Variants in RAB6A observed in about 807,000 individuals in gnomAD.
The protein encoded by RAB6A is RAB6A, member RAS oncogene family.
RAB6A carries 8 observed loss-of-function variants against 32.3 expected under a neutral mutation model. The observed-to-expected ratio is 0.25, with a 90% CI of 0.15 to 0.45. The LOEUF (loss-of-function observed/expected upper bound fraction) is 0.45, where lower values mean the gene tolerates loss of function less well. RAB6A is among the 20% of genes least tolerant of loss of function. The pLI is 1.00. For missense variants in RAB6A, 104 were observed against 249.4 expected, an observed-to-expected ratio of 0.42 and a Z score of 3.93; for synonymous variants, 73 against 82.1, an observed-to-expected ratio of 0.89 and a Z score of 0.60.
At chr11:73,692,788 C>CAAAAAAAAAAAAAA (rs140762210) in intron 6 of RAB6A, among the ~76,000 whole-genome samples, 7 of 98,166 alleles carry the variant, frequency 7.1e-5, no homozygotes, top group Admixed American at 1.3e-4. Flanking sequence ...ACTAAAAATA[C>CAAAAAAAAAAAAAA]AAAAAAAAAA....
chr11:73,691,066 T>C (rs1264118750), intron 6 of RAB6A, among the ~76,000 whole-genome samples: 2 of 151,920 alleles, frequency 1.3e-5, no homozygotes, highest in Non-Finnish European at 2.9e-5. Flanking sequence ...CCCTGGGCCT[T>C]AGAACTAGGG....
intron 6 of RAB6A, among the ~76,000 whole-genome samples, chr11:73,698,247 A>C (rs1590837746): frequency 6.6e-6 from 1 of 152,288 alleles, no homozygotes; most frequent in Non-Finnish European, 1.5e-5. Flanking sequence ...ATAAAAAATA[A>C]AGTCCTACTG....
intron 6 of RAB6A, among the ~76,000 whole-genome samples, chr11:73,687,630 C>T (rs1429383430): frequency 2.6e-5 from 4 of 152,162 alleles, no homozygotes; most frequent in Admixed American, 6.5e-5. Flanking sequence ...CCGAGGTGGG[C>T]GGATCACCTG....
chr11:73,692,158 A>G (rs930547934), intron 6 of RAB6A, among the ~76,000 whole-genome samples: 1 of 152,094 alleles, frequency 6.6e-6, no homozygotes, highest in African/African-American at 2.4e-5. Context: ...GTCAAAGAAA[A>G]TCTGGCAATA....
rs145456541 is a variant in RAB6A at position 73,740,108 on chromosome 11, A to G, written c.71-9285T>C. On this transcript the variant is annotated intron_variant, in intron 1 of 7. Transcript: ENST00000336083. Reference sequence around the variant, plus strand: ...AGAGGACTCAATTAGTCTACAATCTATAACTATGATAAATTCTGACCTGCT... The same window carrying G: ...AGAGGACTCAATTAGTCTACAATCTGTAACTATGATAAATTCTGACCTGCT... Among the ~76,000 whole-genome samples, 1,286 of 152,194 alleles carry G rather than the reference A, an allele frequency of 8.4e-3. 18 individuals carry two copies. The highest frequency in any genetic ancestry group is 0.029 in the African/African-American group (1,201 of 41,540).
In RAB6A at chr11:73,722,328, TATATA is replaced by T. The variant is rs1565364905; in HGVS notation, c.130-1434_130-1430del. ...GTGTATATATATATATATATATATATATATATATATATATATTTTTTTTTTTTTTT... is the reference window on the plus strand; with the variant it reads ...GTGTATATATATATATATATATATATTATATATATATTTTTTTTTTTTTTT... On this transcript the variant is annotated intron_variant, in intron 2 of 7. Coordinates refer to ENST00000336083, the MANE Select transcript of RAB6A (RefSeq NM_198896.2). 1.1e-3 allele frequency: 12 copies of T among 10,742 alleles called. 1 individual carries two copies. The highest frequency in any genetic ancestry group is 2.7e-3 in the African/African-American group (9 of 3,300). 0.7% of individuals were successfully genotyped at this position (10,742 alleles called of 1,614,324 possible).
chr11:73,740,155 A>G (rs983582527), intron 1 of RAB6A, among the ~76,000 whole-genome samples: 2 of 152,142 alleles, frequency 1.3e-5, no homozygotes, highest in African/African-American at 2.4e-5. Context: ...GGTCAATAAC[A>G]TTGGCCAGAT....
intron 1 of RAB6A, among the ~76,000 whole-genome samples, chr11:73,735,920 T>TAAAA (rs10676769): frequency 0.019 from 1,655 of 87,048 alleles, 40 homozygotes; most frequent in Middle Eastern, 0.051. Context: ...AACCTTGCCT[T>TAAAA]AAAAAAAAAA....
At chr11:73,737,821 C>T (rs1387220124) in intron 1 of RAB6A, among the ~76,000 whole-genome samples, 3 of 151,308 alleles carry the variant, frequency 2.0e-5, no homozygotes, top group South Asian at 2.1e-4. Context: ...GGTGAAACCC[C>T]GTCTCTACTT....
At chr11:73,760,416 T>C (rs1946826978) in intron 1 of RAB6A, 150 bp downstream of exon 1, 3 of 1,073,968 alleles carry the variant, frequency 2.8e-6, no homozygotes, top group Non-Finnish European at 2.6e-6. Flanking sequence ...GAAGAGCCAG[T>C]GGCACCGGGG....
chr11:73,760,746 G>T lies in RAB6A; in HGVS notation c.-111C>A. ...GGAAGGGCGGGCACCGAGCTCTCTC[G>T]GCCCCTGCAAGGCCCGGTGGAGGAG... On this transcript the variant is annotated 5_prime_UTR_variant, in exon 1 of 8. Transcript: ENST00000336083. 1 of 1,478,634 alleles carries T rather than the reference G, an allele frequency of 6.8e-7. No homozygotes were observed. Among genetic ancestry groups the T allele is most frequent in the East Asian group, 2.5e-5 (1 of 40,124 alleles). 91.6% of individuals were successfully genotyped at this position (1,478,634 alleles called of 1,614,324 possible). A position where few individuals can be genotyped will look rare whatever the true frequency, so the allele number is the denominator to read the frequency against.
chr11:73,677,687 C>A lies in RAB6A; in HGVS notation c.*211G>T. On this transcript the variant is annotated 3_prime_UTR_variant, in exon 8 of 8. Coordinates refer to ENST00000336083, the MANE Select transcript of RAB6A (RefSeq NM_198896.2). ...ACTGGAATATGCTGAAATATTTTGG[C>A]TTTTTGTAAAATATAAATAATGAAG... The A allele has an allele frequency of 7.5e-7, 1 of 1,332,334 alleles. No individual in the cohort carries two copies. The highest frequency in any genetic ancestry group is 1.0e-6 in the Non-Finnish European group (1 of 991,336). 82.5% of individuals were successfully genotyped at this position (1,332,334 alleles called of 1,614,324 possible).
Position 73,682,070 on chromosome 11 carries a change from C to A in RAB6A, c.496-2350G>T, listed in dbSNP as rs74409425. Among the ~76,000 whole-genome samples the A allele has an allele frequency of 5.4e-3, 828 of 152,260 alleles. 8 individuals carry two copies. Among genetic ancestry groups the A allele is most frequent in the African/African-American group, 0.018 (755 of 41,544 alleles). On this transcript the variant is annotated intron_variant, in intron 6 of 7. Transcript: ENST00000336083. ...TGGTACACCATCAAAGATCATGTAG[C>A]TGTATAAATTACCATCATGTCAAAT...
intron 1 of RAB6A, among the ~76,000 whole-genome samples, chr11:73,750,725 T>C (rs927956633): frequency 5.9e-5 from 9 of 152,232 alleles, no homozygotes; most frequent in Admixed American, 5.2e-4. Context: ...TATTAATTCA[T>C]CTGTGGATGG....
intron 6 of RAB6A, among the ~76,000 whole-genome samples, chr11:73,706,590 G>A (rs1190986461): frequency 6.6e-6 from 1 of 151,974 alleles, no homozygotes; most frequent in Non-Finnish European, 1.5e-5. Context: ...CAGCCTTGAA[G>A]AGTTAAGCAT....
rs555388622 is a variant in RAB6A at position 73,744,511 on chromosome 11, C to CAAAA, written c.71-13692_71-13689dup. 5.5e-4 allele frequency among the ~76,000 whole-genome samples: 35 copies of CAAAA among 63,748 alleles called. 1 individual carries two copies. Among genetic ancestry groups the CAAAA allele is most frequent in the African/African-American group, 2.4e-3 (33 of 13,734 alleles). 41.8% of individuals were successfully genotyped at this position (63,748 alleles called of 152,430 possible). A position where few individuals can be genotyped will look rare whatever the true frequency, so the allele number is the denominator to read the frequency against. ...GGGCAACAGAGTGAGACCCTGTCTC[C>CAAAA]AAAAAAAAAAAAAAAAAAAAAAAAA... is the stretch of plus-strand genomic sequence containing the variant. On this transcript the variant is annotated intron_variant, in intron 1 of 7. Transcript: ENST00000336083.
intron 2 of RAB6A, 45 bp from the exon 3 acceptor site, chr11:73,720,944 T>C (rs1590861338): frequency 7.3e-7 from 1 of 1,377,990 alleles, no homozygotes; most frequent in Non-Finnish European, 1.0e-6. Flanking sequence ...AGTTTAATGG[T>C]GGCCAGCAGT....
At chr11:73,690,697 TAAAA>T (rs34099966) in intron 6 of RAB6A, among the ~76,000 whole-genome samples, 37 of 117,932 alleles carry the variant, frequency 3.1e-4, no homozygotes, top group African/African-American at 1.0e-3. Flanking sequence ...TGTAACATCT[TAAAA>T]AAAAAAAAAA....
chr11:73,729,244 G>A (rs557880310), intron 2 of RAB6A, among the ~76,000 whole-genome samples: 38 of 152,112 alleles, frequency 2.5e-4, no homozygotes, highest in African/African-American at 7.0e-4. Context: ...GATTACAGGC[G>A]CCCACCATTA....
Sources: gnomAD v4.1 joint callset for allele counts (sites outside exome capture counted in the v4.1 genomes callset) on GRCh38, gnomAD v4.1.1 for gene constraint, MANE v1.5 for transcripts, NCBI Gene and HGNC (gene_info 2026-07-23, HGNC 2026-07-21) for gene names.